Variants in VBP1 observed in about 807,000 individuals in gnomAD.
VBP1 encodes the protein prefoldin subunit 3.
Under a neutral mutation model 15.5 loss-of-function variants are expected in VBP1, and 4 were observed. The ratio of observed to expected loss-of-function variants is 0.26; its 90% CI spans 0.13 to 0.59. The LOEUF (loss-of-function observed/expected upper bound fraction) is 0.59, where lower values mean the gene tolerates loss of function less well. Ranked by LOEUF, VBP1 falls within the 20% of genes least tolerant of loss-of-function variation. The probability of loss-of-function intolerance (pLI) is 0.90; values close to 1 mark genes in which losing one functional copy is unlikely to be tolerated. For synonymous variants in VBP1, 61 were observed against 52.1 expected, an observed-to-expected ratio of 1.17 and a Z score of -0.74; for missense variants, 108 against 139.6, an observed-to-expected ratio of 0.77 and a Z score of 1.14.
Position 155,235,673 on chromosome X carries a change from A to G in VBP1, c.385-556A>G, listed in dbSNP as rs1290657971. 2.7e-5 allele frequency among the ~76,000 whole-genome samples: 3 copies of G among 112,455 alleles called. No individual in the cohort carries two copies. In the East Asian group the frequency reaches 8.3e-4, roughly 31 times the overall value. ...AGCTGTCTTTTTTACCTGGTCAAAT[A>G]TAGATGATAATAAATGTCTTTGAAA... On this transcript the variant is annotated intron_variant, in intron 4 of 5. Transcript: ENST00000286428.
chrX:155,233,596 G>T (rs1385092814), intron 4 of VBP1, among the ~76,000 whole-genome samples: 2 of 112,140 alleles, frequency 1.8e-5, no homozygotes, highest in African/African-American at 6.5e-5. Context: ...CAGCTGTTAT[G>T]GGAGCCATAA....
chrX:155,204,295 G>A (rs1446777463), intron 1 of VBP1, among the ~76,000 whole-genome samples: 1 of 110,904 alleles, frequency 9.0e-6, no homozygotes, highest in Non-Finnish European at 1.9e-5. Flanking sequence ...TGGGGTTACA[G>A]GCGTTTGACA....
intron 1 of VBP1, chrX:155,208,796 C>T: frequency 3.5e-6 from 2 of 573,080 alleles, no homozygotes; most frequent in East Asian, 7.6e-5. Context: ...GCTACTTGTT[C>T]TCATGGTACT....
At chrX:155,222,041 T>C (rs1455672750) in intron 2 of VBP1, among the ~76,000 whole-genome samples, 1 of 112,988 alleles carries the variant, frequency 8.9e-6, no homozygotes, top group Non-Finnish European at 1.9e-5. Context: ...AGTTAGAATA[T>C]GGCATTTTTC....
At chrX:155,208,224 G>T (rs782774510) in intron 1 of VBP1, among the ~76,000 whole-genome samples, 34 of 112,042 alleles carry the variant, frequency 3.0e-4, no homozygotes, top group Non-Finnish European at 6.0e-4. Context: ...TCCTTAGTTT[G>T]TTCTTCATTA....
intron 1 of VBP1, among the ~76,000 whole-genome samples, chrX:155,200,293 C>G (rs1557307255): frequency 9.4e-6 from 1 of 105,925 alleles, no homozygotes; most frequent in African/African-American, 3.4e-5. Flanking sequence ...CACCCCAAAT[C>G]AACAGAATAT....
chrX:155,237,253 C>T (rs2074778153), intron 5 of VBP1, among the ~76,000 whole-genome samples: 1 of 110,950 alleles, frequency 9.0e-6, no homozygotes, highest in Non-Finnish European at 1.9e-5. Flanking sequence ...GACAAAATCA[C>T]GGGAGTCACC....
chrX:155,217,752 AC>A (rs1447802332), intron 1 of VBP1, among the ~76,000 whole-genome samples: 3 of 111,773 alleles, frequency 2.7e-5, no homozygotes, highest in Admixed American at 9.5e-5. Context: ...GGTGGTAGCT[AC>A]TACTGTTATG....
chrX:155,227,363 C>CT (rs1352742580), intron 3 of VBP1, 62 bp downstream of exon 3: 4 of 826,544 alleles, frequency 4.8e-6, no homozygotes, highest in Non-Finnish European at 5.1e-6. Context: ...AACTCGTCTT[C>CT]TTTGACTCTT....
chrX:155,231,983 A>C (rs1476088056), intron 4 of VBP1, among the ~76,000 whole-genome samples: 3 of 112,100 alleles, frequency 2.7e-5, no homozygotes, highest in Admixed American at 9.4e-5. Context: ...ATGCACATTT[A>C]ACATGTTGAT....
At chrX:155,224,108 A>T (rs1341572807) in intron 2 of VBP1, among the ~76,000 whole-genome samples, 1 of 103,648 alleles carries the variant, frequency 9.6e-6, no homozygotes, top group Non-Finnish European at 2.0e-5. Context: ...GGCGCTCCTC[A>T]CTTCCCAGAG....
intron 1 of VBP1, among the ~76,000 whole-genome samples, chrX:155,219,424 G>C (rs2074678962): frequency 8.9e-6 from 1 of 112,189 alleles, no homozygotes; most frequent in African/African-American, 3.2e-5. Context: ...TGTTACAAAA[G>C]ATTATTCTGT....
At chrX:155,231,294 C>T (rs1557310841) in intron 4 of VBP1, among the ~76,000 whole-genome samples, 1 of 111,944 alleles carries the variant, frequency 8.9e-6, no homozygotes, top group African/African-American at 3.3e-5. Context: ...TTCCTGGAAC[C>T]TGCCAGTGTG....
chrX:155,212,003 T>C (rs941736779), upstream of VBP1, among the ~76,000 whole-genome samples: 2 of 112,425 alleles, frequency 1.8e-5, no homozygotes, highest in Non-Finnish European at 3.8e-5. Context: ...TGTAATTCCA[T>C]TCAATCTACT....
At chrX:155,205,437 A>G (rs1013242328) in intron 1 of VBP1, among the ~76,000 whole-genome samples, 1 of 111,907 alleles carries the variant, frequency 8.9e-6, no homozygotes. Flanking sequence ...GCTCAGGCCA[A>G]AAGCCTTGCA....
chrX:155,203,511 C>G (rs1201196615), intron 1 of VBP1, among the ~76,000 whole-genome samples: 2 of 102,428 alleles, frequency 2.0e-5, no homozygotes, highest in African/African-American at 7.2e-5. Flanking sequence ...ATCGCAAGGA[C>G]AAAAAACCAA....
At chrX:155,225,253 G>A (rs1371607516) in intron 2 of VBP1, among the ~76,000 whole-genome samples, 4 of 111,553 alleles carry the variant, frequency 3.6e-5, no homozygotes, top group Non-Finnish European at 7.5e-5. Context: ...GGTAGCAGTG[G>A]CGCTACCTCG....
upstream of VBP1, among the ~76,000 whole-genome samples, chrX:155,215,512 T>C (rs2074659249): frequency 1.8e-5 from 2 of 112,400 alleles, no homozygotes; most frequent in Admixed American, 1.9e-4. Flanking sequence ...AATATGACGA[T>C]ACCAATTTCT....
chrX:155,209,298 C>T (rs2074636892), intron 2 of VBP1, among the ~76,000 whole-genome samples: 1 of 111,739 alleles, frequency 8.9e-6, no homozygotes, highest in Non-Finnish European at 1.9e-5. Flanking sequence ...GTGGCTAACT[C>T]AGTCTGGAGA....
Sources: gnomAD v4.1 joint callset for allele counts (sites outside exome capture counted in the v4.1 genomes callset) on GRCh38, gnomAD v4.1.1 for gene constraint, MANE v1.5 for transcripts, NCBI Gene and HGNC (gene_info 2026-07-23, HGNC 2026-07-21) for gene names.